Variants in FABP12 observed in about 807,000 individuals in gnomAD.
The protein encoded by FABP12 is fatty acid binding protein 12.
In FABP12, 19 loss-of-function variants were observed where a neutral mutation model predicts 13.7. That is an observed-to-expected ratio of 1.39 (90% CI 0.97 to 2.04). The LOEUF (loss-of-function observed/expected upper bound fraction) is 2.04. Among genes scored for constraint, FABP12 ranks in the 30% most tolerant of loss-of-function variants. The pLI is 0.00. For missense variants in FABP12, 182 were observed against 164.2 expected (o/e 1.11, Z -0.59); for synonymous variants, 61 against 57.0 (o/e 1.07, Z -0.32).
At chr8:81,537,233 G>T (rs1809244982), upstream of FABP12, among the ~76,000 whole-genome samples, 5 of 152,158 alleles carry the variant, frequency 3.3e-5, no homozygotes, top group Admixed American at 3.3e-4. Flanking sequence ...AGTGCTGTAA[G>T]ACAGAAAGAT....
intron 1 of FABP12, among the ~76,000 whole-genome samples, chr8:81,580,893 A>G (rs992556865): frequency 6.6e-6 from 1 of 152,144 alleles, no homozygotes; most frequent in Non-Finnish European, 1.5e-5. Context: ...TAATAAATTC[A>G]ATTTTATTCT....
At chr8:81,553,030 A>T (rs1198100021) in intron 1 of FABP12, among the ~76,000 whole-genome samples, 1 of 152,134 alleles carries the variant, frequency 6.6e-6, no homozygotes, top group Non-Finnish European at 1.5e-5. Context: ...CTTTAATGTA[A>T]TTTTTATTTT....
At chr8:81,560,557 G>A (rs992901845) in intron 1 of FABP12, among the ~76,000 whole-genome samples, 1 of 152,166 alleles carries the variant, frequency 6.6e-6, no homozygotes, top group Admixed American at 6.5e-5. Flanking sequence ...AAACACATTA[G>A]TGGATTGTAT....
At chr8:81,576,067 A>T (rs1810039877) in intron 1 of FABP12, among the ~76,000 whole-genome samples, 1 of 152,258 alleles carries the variant, frequency 6.6e-6, no homozygotes. Context: ...TTTGCAAATT[A>T]AAATGATAAT....
chr8:81,542,839 T>A (rs1430169577), intron 1 of FABP12, among the ~76,000 whole-genome samples: 1 of 152,198 alleles, frequency 6.6e-6, no homozygotes, highest in Admixed American at 6.5e-5. Flanking sequence ...AGAGATGAGA[T>A]TAATATCTTT....
intron 1 of FABP12, among the ~76,000 whole-genome samples, chr8:81,571,934 T>C (rs1440604035): frequency 7.4e-6 from 1 of 134,904 alleles, no homozygotes; most frequent in African/African-American, 2.8e-5. Flanking sequence ...ATATTCTATA[T>C]GACTATAACA....
chr8:81,525,548 A>AGAT (rs1260311708), intron 4 of FABP12, among the ~76,000 whole-genome samples: 4 of 130,538 alleles, frequency 3.1e-5, no homozygotes, highest in African/African-American at 1.4e-4. Flanking sequence ...ATAGATAGAT[A>AGAT]GATAGATGAT....
At chr8:81,580,220 T>A (rs1810134639) in intron 1 of FABP12, among the ~76,000 whole-genome samples, 1 of 152,230 alleles carries the variant, frequency 6.6e-6, no homozygotes, top group Non-Finnish European at 1.5e-5. Flanking sequence ...AATGAGAGAT[T>A]TAACATGTTT....
intron 1 of FABP12, among the ~76,000 whole-genome samples, chr8:81,574,342 G>T (rs931779048): frequency 6.6e-6 from 1 of 152,042 alleles, no homozygotes; most frequent in African/African-American, 2.4e-5. Flanking sequence ...ATATGTTGTT[G>T]GAGTCGATTA....
In FABP12 at chr8:81,527,086, T is replaced by G. The variant is rs564575673; in HGVS notation, c.282A>C (p.Gln94His). The G allele has an allele frequency of 3.7e-6, 6 of 1,611,422 alleles. No homozygotes were observed. The South Asian group carries it at 6.6e-5, about 18-fold the overall frequency. The stretch of plus-strand genomic sequence containing the variant: ...TTTCTTTGCCATCCCAGTCCTGAAC[T>G]TGAATCAGGGACTCCTTATCTAAGG... The change falls in exon 4 of 5, where the codon CAA becomes CAC. Residue 94 changes from glutamine to histidine, a missense_variant. Transcript: ENST00000360464.
intron 1 of FABP12, among the ~76,000 whole-genome samples, chr8:81,579,169 G>A (rs969751287): frequency 6.6e-6 from 1 of 151,844 alleles, no homozygotes; most frequent in Admixed American, 6.6e-5. Flanking sequence ...TTCATTATAA[G>A]GAAGTAAATT....
upstream of FABP12, among the ~76,000 whole-genome samples, chr8:81,534,963 A>G (rs959090104): frequency 6.6e-6 from 1 of 152,076 alleles, no homozygotes; most frequent in Non-Finnish European, 1.5e-5. Flanking sequence ...AAATGTAAAC[A>G]TGTGTCATTG....
At chr8:81,573,811 G>A (rs538180114) in intron 1 of FABP12, among the ~76,000 whole-genome samples, 7 of 152,056 alleles carry the variant, frequency 4.6e-5, no homozygotes, top group African/African-American at 9.6e-5. Flanking sequence ...TCTTGTATCC[G>A]GAAACTTTGC....
chr8:81,555,782 T>C (rs1809601292), intron 1 of FABP12, among the ~76,000 whole-genome samples: 1 of 152,190 alleles, frequency 6.6e-6, no homozygotes. Context: ...TAGGAGAACA[T>C]GGAACAAAAT....
At chr8:81,543,385 A>T (rs768801141) in intron 1 of FABP12, among the ~76,000 whole-genome samples, 2 of 152,340 alleles carry the variant, frequency 1.3e-5, no homozygotes, top group Non-Finnish European at 1.5e-5. Flanking sequence ...TATTTTAATG[A>T]TTATGGCTCT....
intron 1 of FABP12, among the ~76,000 whole-genome samples, chr8:81,582,430 T>C (rs1275250134): frequency 6.6e-6 from 1 of 152,016 alleles, no homozygotes; most frequent in African/African-American, 2.4e-5. Flanking sequence ...CCTGGATTTT[T>C]TAGTGACCCA....
intron 1 of FABP12, among the ~76,000 whole-genome samples, chr8:81,569,424 A>G (rs1269326183): frequency 6.6e-6 from 1 of 152,162 alleles, no homozygotes; most frequent in Non-Finnish European, 1.5e-5. Context: ...GCCTTTCAAC[A>G]CTGGCTCCAA....
At chr8:81,560,442 C>CT (rs1410533748) in intron 1 of FABP12, among the ~76,000 whole-genome samples, 2 of 152,098 alleles carry the variant, frequency 1.3e-5, no homozygotes, top group Non-Finnish European at 2.9e-5. Flanking sequence ...ATTTTCCTTT[C>CT]TTTTTTTCTG....
Position 81,525,137 on chromosome 8 carries a change from A to G in FABP12, c.349-17T>C, listed in dbSNP as rs118148593. On this transcript the variant is annotated splice_polypyrimidine_tract_variant and intron_variant, in intron 4 of 4. Transcript: ENST00000360464. ...AGTACTTTCCTACAAGACAAAAGAA[A>G]TATGAGGTATTTCAGTATAGTTAGT... The G allele has an allele frequency of 0.019, 27,866 of 1,487,064 alleles. 307 individuals carry two copies. The highest frequency in any genetic ancestry group is 0.022 in the Non-Finnish European group (23,512 of 1,079,508). The allele number at this position is 1,487,064 out of a possible 1,614,324, so 92.1% of individuals were successfully genotyped here. A position where few individuals can be genotyped will look rare whatever the true frequency, so the allele number is the denominator to read the frequency against.
Sources: allele counts gnomAD v4.1 joint callset (sites outside exome capture counted in the v4.1 genomes callset), GRCh38; gene constraint gnomAD v4.1.1; transcripts MANE v1.5; gene names NCBI Gene and HGNC (gene_info 2026-07-23, HGNC 2026-07-21).